The following SPOCK3 variants were observed in gnomAD, a reference collection of about 807,000 sequenced individuals.
SPOCK3 encodes SPARC (osteonectin), cwcv and kazal like domains proteoglycan 3, also known as testican-3.
A neutral mutation model predicts 56.6 loss-of-function variants in SPOCK3; 30 were observed. The observed-to-expected ratio is 0.53, with a 90% confidence interval of 0.40 to 0.72. SPOCK3 has a LOEUF of 0.72. SPOCK3 is among the 30% of genes least tolerant of loss of function. The pLI, the probability that SPOCK3 is intolerant of heterozygous loss-of-function variation, is 0.00. For synonymous variants in SPOCK3, 196 were observed against 183.3 expected (o/e 1.07, Z -0.56); for missense variants, 527 against 530.0 (o/e 0.99, Z 0.06).
chr4:167,079,180 T>C lies in SPOCK3; in HGVS notation c.190-16643A>G, dbSNP rs140792420. Among the ~76,000 whole-genome samples, 1,110 of 152,078 alleles carry C rather than the reference T, an allele frequency of 7.3e-3. 23 individuals are homozygous for C. Among genetic ancestry groups the C allele is most frequent in the African/African-American group, 0.025 (1,037 of 41,522 alleles). On this transcript the variant is annotated intron_variant, in intron 2 of 10. Transcript: ENST00000357545. ...AGAAAACAAAACATTGAAACATCTG[T>C]GAATATCTGAAGTACATTTTTAAAA...
At chr4:167,179,673 G>A (rs966915575) in intron 2 of SPOCK3, among the ~76,000 whole-genome samples, 5 of 152,196 alleles carry the variant, frequency 3.3e-5, no homozygotes, top group African/African-American at 1.2e-4. Context: ...TAAAGAAGTA[G>A]ACTTTGCACA....
At chr4:166,852,710 C>T (rs1730255024) in intron 6 of SPOCK3, among the ~76,000 whole-genome samples, 1 of 152,078 alleles carries the variant, frequency 6.6e-6, no homozygotes, top group South Asian at 2.1e-4. Context: ...ATGCAACAAA[C>T]CTTAATGAGA....
At chr4:166,742,419 C>T (rs79161048) in intron 8 of SPOCK3, among the ~76,000 whole-genome samples, 2,956 of 152,172 alleles carry the variant, frequency 0.019, 114 homozygotes, top group African/African-American at 0.066. Context: ...TACTTCTTAT[C>T]ATTTACTTTT....
chr4:166,791,927 T>C (rs1029470510), intron 7 of SPOCK3, among the ~76,000 whole-genome samples: 1 of 152,214 alleles, frequency 6.6e-6, no homozygotes, highest in African/African-American at 2.4e-5. Context: ...CCATTGTTTC[T>C]AGTCTACTGA....
chr4:166,978,651 A>G (rs1047156670), intron 4 of SPOCK3, among the ~76,000 whole-genome samples: 1 of 152,180 alleles, frequency 6.6e-6, no homozygotes, highest in African/African-American at 2.4e-5. Flanking sequence ...GTAATAAGGC[A>G]TGCAATGTAA....
intron 2 of SPOCK3, among the ~76,000 whole-genome samples, chr4:167,122,678 G>C (rs905401365): frequency 1.3e-5 from 2 of 152,028 alleles, no homozygotes; most frequent in Non-Finnish European, 2.9e-5. Flanking sequence ...TCATTTCTTA[G>C]AGCTGCCATT....
At chr4:167,180,471 C>G (rs1206368350) in intron 2 of SPOCK3, among the ~76,000 whole-genome samples, 1 of 152,074 alleles carries the variant, frequency 6.6e-6, no homozygotes, top group Non-Finnish European at 1.5e-5. Flanking sequence ...TTTCATTACC[C>G]GTGAGGAGAA....
rs1227762290 is a variant in SPOCK3 at position 166,754,650 on chromosome 4, C to T, written c.789G>A (p.Leu263=). ...TTCTGAGCTCTGACTGGTCCAATAG[C>T]AGGTCATAGTTTGTATCAAGTCTGT... The part of the protein sequence containing the change: ...MFNRLDTNYD[L]LLDQSELRSI... Residue 263 remains leucine, a synonymous_variant, in exon 8 of 11, where the codon CTG becomes CTA. Coordinates refer to ENST00000357545, the MANE Select transcript of SPOCK3 (RefSeq NM_001040159.2). 1.2e-6 allele frequency: 2 copies of T among 1,613,656 alleles called. No homozygotes were observed. Among genetic ancestry groups the T allele is most frequent in the Admixed American group, 1.7e-5 (1 of 59,936 alleles).
At chr4:166,881,525 G>A (rs889296179) in intron 6 of SPOCK3, among the ~76,000 whole-genome samples, 5 of 151,498 alleles carry the variant, frequency 3.3e-5, no homozygotes, top group Admixed American at 2.6e-4. Context: ...ATTTATTTTC[G>A]CTCCACAAAA....
intron 2 of SPOCK3, among the ~76,000 whole-genome samples, chr4:167,229,836 ATAT>A (rs1736978005): frequency 6.6e-6 from 1 of 152,116 alleles, no homozygotes; most frequent in South Asian, 2.1e-4. Context: ...TACCCAAAGG[ATAT>A]TAAACATCAC....
intron 3 of SPOCK3, among the ~76,000 whole-genome samples, chr4:167,007,084 T>G (rs1466785498): frequency 6.6e-6 from 1 of 152,238 alleles, no homozygotes; most frequent in Non-Finnish European, 1.5e-5. Flanking sequence ...CATATATCCC[T>G]GCATTCACCT....
At chr4:167,164,882 T>C (rs1222034610) in intron 2 of SPOCK3, among the ~76,000 whole-genome samples, 1 of 152,114 alleles carries the variant, frequency 6.6e-6, no homozygotes, top group African/African-American at 2.4e-5. Flanking sequence ...CTGGTGTAAA[T>C]AATGCTGCAA....
At chr4:167,080,161 T>C (rs1426423435) in intron 2 of SPOCK3, among the ~76,000 whole-genome samples, 1 of 152,046 alleles carries the variant, frequency 6.6e-6, no homozygotes, top group East Asian at 1.9e-4. Context: ...TAGAACTCTA[T>C]ATGTCCCTAA....
intron 6 of SPOCK3, among the ~76,000 whole-genome samples, chr4:166,887,149 C>T (rs566134652): frequency 9.7e-4 from 147 of 152,238 alleles, no homozygotes; most frequent in African/African-American, 3.1e-3. Context: ...ACAAGAGATC[C>T]TCTTCTCAGA....
At position 167,078,333 on chromosome 4, in the gene SPOCK3, T is replaced by C. The variant is rs866403296; in HGVS notation, c.190-15796A>G. Among the ~76,000 whole-genome samples the C allele has an allele frequency of 2.1e-3, 293 of 136,374 alleles. 5 individuals carry two copies. The highest frequency in any genetic ancestry group is 8.4e-3 in the African/African-American group (251 of 29,892). The allele number at this position is 136,374 out of a possible 152,430, so 89.5% of individuals were successfully genotyped here. On this transcript the variant is annotated intron_variant, in intron 2 of 10. Transcript: ENST00000357545. The stretch of plus-strand genomic sequence containing the variant: ...CTGTGTGTGTGTGTGTGTGTGTGTG[T>C]GTGTGTGTGTGTGTGTGTGTGTGTG...
chr4:166,896,921 C>T (rs1401991160), intron 5 of SPOCK3, among the ~76,000 whole-genome samples: 3 of 152,086 alleles, frequency 2.0e-5, no homozygotes. Context: ...TTCCCCCCTT[C>T]ACCAACTGGG....
intron 5 of SPOCK3, among the ~76,000 whole-genome samples, chr4:166,900,014 A>C (rs1484302029): frequency 6.6e-6 from 1 of 152,200 alleles, no homozygotes; most frequent in Non-Finnish European, 1.5e-5. Flanking sequence ...CTAAACCAAC[A>C]GACTGATTTG....
intron 4 of SPOCK3, 42 bp downstream of exon 4, chr4:167,000,307 G>A (rs762512895): frequency 2.1e-6 from 2 of 949,034 alleles, no homozygotes; most frequent in Non-Finnish European, 3.3e-6. Flanking sequence ...TCCTGGTAAG[G>A]AGCGCTGTTC....
At chr4:167,216,500 G>A (rs796453081) in intron 2 of SPOCK3, among the ~76,000 whole-genome samples, 32 of 152,216 alleles carry the variant, frequency 2.1e-4, no homozygotes, top group African/African-American at 6.5e-4. Context: ...CCAAAGAAGG[G>A]TGAACAGTCT....
Sources: gnomAD v4.1 joint callset for allele counts (sites outside exome capture counted in the v4.1 genomes callset) on GRCh38, gnomAD v4.1.1 for gene constraint, MANE v1.5 for transcripts, NCBI Gene and HGNC (gene_info 2026-07-23, HGNC 2026-07-21) for gene names.